Variants in SORCS3 observed in about 807,000 individuals in gnomAD.
SORCS3 encodes VPS10 domain-containing receptor SorCS3.
Under a neutral mutation model 146.3 loss-of-function variants are expected in SORCS3, and 57 were observed. The ratio of observed to expected loss-of-function variants is 0.39; its 90% confidence interval spans 0.31 to 0.49. The LOEUF (loss-of-function observed/expected upper bound fraction) is 0.49, where lower values mean the gene tolerates loss of function less well. SORCS3 is among the 20% of genes least tolerant of loss of function. The pLI is 0.92. For synonymous variants in SORCS3, 653 were observed against 618.5 expected (o/e 1.06, Z -0.83); for missense variants, 1,341 against 1,575.5 (o/e 0.85, Z 2.52).
At chr10:104,897,371 GA>G (rs1475257539) in intron 2 of SORCS3, among the ~76,000 whole-genome samples, 1 of 152,124 alleles carries the variant, frequency 6.6e-6, no homozygotes, top group African/African-American at 2.4e-5. Flanking sequence ...AATATTTAAA[GA>G]CAGACTTTTG....
chr10:105,039,078 C>T (rs1486041629), intron 4 of SORCS3, among the ~76,000 whole-genome samples: 7 of 152,158 alleles, frequency 4.6e-5, no homozygotes, highest in African/African-American at 1.7e-4. Context: ...ACCTTTGTAA[C>T]CTCAGCTCTT....
chr10:104,993,242 G>C (rs572637443), intron 4 of SORCS3, among the ~76,000 whole-genome samples: 1 of 152,298 alleles, frequency 6.6e-6, no homozygotes, highest in African/African-American at 2.4e-5. Context: ...AGAGGGGAGC[G>C]TCTGGTTGGC....
intron 9 of SORCS3, among the ~76,000 whole-genome samples, chr10:105,149,395 A>G (rs1182136681): frequency 6.6e-6 from 1 of 152,156 alleles, no homozygotes; most frequent in African/African-American, 2.4e-5. Context: ...CCCTTAAACA[A>G]CAAGGTCCCA....
chr10:104,845,593 T>C (rs1023091145), intron 2 of SORCS3, among the ~76,000 whole-genome samples: 6 of 152,112 alleles, frequency 3.9e-5, no homozygotes, highest in Non-Finnish European at 8.8e-5. Flanking sequence ...CAGAGGTGCA[T>C]GTGAGGGAAT....
At chr10:104,818,419 T>G (rs1259510457) in intron 1 of SORCS3, among the ~76,000 whole-genome samples, 2 of 151,640 alleles carry the variant, frequency 1.3e-5, no homozygotes, top group African/African-American at 2.4e-5. Flanking sequence ...TCTCTTTTTT[T>G]TTTGGAGCTG....
chr10:105,054,375 C>A (rs190349829), intron 5 of SORCS3, among the ~76,000 whole-genome samples: 650 of 151,394 alleles, frequency 4.3e-3, no homozygotes, highest in South Asian at 0.015. Context: ...TGAAATGCAG[C>A]CTTATTCAAT....
At chr10:104,916,876 A>G (rs2019035113) in intron 3 of SORCS3, among the ~76,000 whole-genome samples, 2 of 152,222 alleles carry the variant, frequency 1.3e-5, no homozygotes, top group South Asian at 4.1e-4. Context: ...GCTTCAAACC[A>G]TTGTGCGGAT....
chr10:104,866,706 C>T (rs1233495389), intron 2 of SORCS3, among the ~76,000 whole-genome samples: 1 of 152,120 alleles, frequency 6.6e-6, no homozygotes, highest in Non-Finnish European at 1.5e-5. Flanking sequence ...ATTCATTGTT[C>T]ATTTCCATTT....
intron 2 of SORCS3, among the ~76,000 whole-genome samples, chr10:104,896,379 C>T (rs6584631): frequency 0.37 from 55,550 of 152,180 alleles, 13,314 homozygotes; most frequent in African/African-American, 0.68. Flanking sequence ...AAAGCTACAG[C>T]GAATCAGCTG....
intron 5 of SORCS3, among the ~76,000 whole-genome samples, chr10:105,088,404 GT>G (rs2055677903): frequency 6.6e-6 from 1 of 152,154 alleles, no homozygotes; most frequent in South Asian, 2.1e-4. Context: ...GGAAAGAAGT[GT>G]TTTACATAAA....
At chr10:105,072,115 T>A (rs1324858664) in intron 5 of SORCS3, among the ~76,000 whole-genome samples, 1 of 152,170 alleles carries the variant, frequency 6.6e-6, no homozygotes, top group East Asian at 1.9e-4. Context: ...TGATATGCTA[T>A]TCTTGCTGGG....
intron 1 of SORCS3, among the ~76,000 whole-genome samples, chr10:104,674,636 A>T (rs2015893585): frequency 6.6e-6 from 1 of 152,234 alleles, no homozygotes; most frequent in Non-Finnish European, 1.5e-5. Context: ...CCCAGGTAAG[A>T]TGTACCTGCA....
chr10:104,924,941 G>T (rs1448214836), intron 3 of SORCS3, among the ~76,000 whole-genome samples: 1 of 152,146 alleles, frequency 6.6e-6, no homozygotes, highest in Non-Finnish European at 1.5e-5. Flanking sequence ...GGATACATGT[G>T]CAGAACGTGC....
chr10:105,047,128 C>A (rs933372525), intron 5 of SORCS3, among the ~76,000 whole-genome samples: 1 of 151,582 alleles, frequency 6.6e-6, no homozygotes, highest in South Asian at 2.1e-4. Context: ...GCATATTCTG[C>A]AGTGGGAAGA....
At chr10:105,252,496 T>A (rs1296082559) in intron 22 of SORCS3, among the ~76,000 whole-genome samples, 2 of 152,222 alleles carry the variant, frequency 1.3e-5, no homozygotes, top group Non-Finnish European at 2.9e-5. Flanking sequence ...TTTGCCAATG[T>A]TCCCAGCAAA....
intron 3 of SORCS3, among the ~76,000 whole-genome samples, chr10:104,920,889 T>C (rs1175040909): frequency 1.3e-5 from 2 of 152,178 alleles, no homozygotes; most frequent in African/African-American, 4.8e-5. Context: ...ACTCTGACTA[T>C]TTGATGTGAA....
At chr10:105,073,906 A>G (rs1165259684) in intron 5 of SORCS3, among the ~76,000 whole-genome samples, 1 of 151,906 alleles carries the variant, frequency 6.6e-6, no homozygotes, top group African/African-American at 2.4e-5. Context: ...GTGTGTGTGT[A>G]ACTGTCCGAG....
rs1239101824 is a variant in SORCS3, at chr10:105,007,957, G to A, written c.954+30464G>A. ...TAACTGGACTTATCACAATAAAGAA[G>A]GGACTTAAGGTTGACCTAAAAGATG... On this transcript the variant is annotated intron_variant, in intron 4 of 26. Transcript: ENST00000369701. Among the ~76,000 whole-genome samples the A allele has an allele frequency of 3.3e-5, 5 of 152,230 alleles. No individual in the cohort carries two copies. In the East Asian group the frequency reaches 5.8e-4, roughly 18 times the overall value.
chr10:104,699,931 AC>A (rs1403648452), intron 1 of SORCS3, among the ~76,000 whole-genome samples: 9 of 152,352 alleles, frequency 5.9e-5, no homozygotes, highest in Admixed American at 2.0e-4. Flanking sequence ...ATTATGAGAT[AC>A]TTACAGATTA....
Sources: gnomAD v4.1 joint callset for allele counts (sites outside exome capture counted in the v4.1 genomes callset) on GRCh38, gnomAD v4.1.1 for gene constraint, MANE v1.5 for transcripts, NCBI Gene and HGNC (gene_info 2026-07-23, HGNC 2026-07-21) for gene names.